The following CCDC144A variants were observed in gnomAD, a reference collection of about 807,000 sequenced individuals.
CCDC144A encodes the protein coiled-coil domain containing 144A, also known as coiled-coil domain-containing protein 144A.
A neutral mutation model predicts 143.8 loss-of-function variants in CCDC144A; 41 were observed. The observed-to-expected ratio is 0.29, with a 90% CI of 0.22 to 0.37. CCDC144A has a LOEUF of 0.37. Among genes scored for constraint, CCDC144A ranks in the 10% least tolerant of loss-of-function variants. The probability of loss-of-function intolerance (pLI) is 1.00; values close to 1 mark genes in which losing one functional copy is unlikely to be tolerated. For synonymous variants in CCDC144A, 242 were observed against 517.9 expected (o/e 0.47, Z 7.23); for missense variants, 637 against 1,488.8 (o/e 0.43, Z 9.41).
upstream of CCDC144A, among the ~76,000 whole-genome samples, chr17:16,685,648 G>T (rs1375334992): frequency 6.6e-6 from 1 of 152,190 alleles, no homozygotes; most frequent in Non-Finnish European, 1.5e-5. Flanking sequence ...CTCCCAAAGT[G>T]CTGGGATTAC....
At chr17:16,746,071 T>G in intron 12 of CCDC144A, 2 of 1,608,588 alleles carry the variant, frequency 1.2e-6, no homozygotes, top group Non-Finnish European at 1.7e-6. Flanking sequence ...TGGGGCTCCT[T>G]CAGCGAGCCT....
the CCDC144A span, among the ~76,000 whole-genome samples, chr17:16,679,648 T>C: frequency 6.6e-6 from 1 of 152,088 alleles, no homozygotes; most frequent in African/African-American, 2.4e-5. Flanking sequence ...CAAAAGTTCA[T>C]TTTTTATGCT....
intron 6 of CCDC144A, among the ~76,000 whole-genome samples, chr17:16,714,448 A>G (rs1912626329): frequency 6.6e-6 from 1 of 152,128 alleles, no homozygotes. Context: ...CATTAATGGC[A>G]ACTCTTGCAG....
intron 5 of CCDC144A, chr17:16,710,059 A>G (rs1336847931): frequency 5.0e-6 from 1 of 198,494 alleles, no homozygotes; most frequent in Non-Finnish European, 1.0e-5. Flanking sequence ...AAATGTATCT[A>G]GCAGGCGTGG....
chr17:16,682,205 GTGT>G, the CCDC144A span, among the ~76,000 whole-genome samples: 16 of 2,636 alleles, frequency 6.1e-3, no homozygotes, highest in African/African-American at 0.029. Context: ...GAAAATGGGT[GTGT>G]GTGTGTGTGT....
intron 12 of CCDC144A, among the ~76,000 whole-genome samples, chr17:16,742,297 T>A (rs1451782971): frequency 1.3e-5 from 2 of 152,208 alleles, no homozygotes; most frequent in African/African-American, 4.8e-5. Flanking sequence ...CCCACATGAG[T>A]GAAAACATAC....
chr17:16,773,279 G>T (rs1268134170), intron 16 of CCDC144A, among the ~76,000 whole-genome samples: 3 of 151,722 alleles, frequency 2.0e-5, no homozygotes, highest in Admixed American at 2.0e-4. Flanking sequence ...ACGAAACCCT[G>T]CCCCTATAAA....
At chr17:16,753,434 T>TTTGTTGTTGTTGTTG (rs1555535613) in intron 12 of CCDC144A, among the ~76,000 whole-genome samples, 12 of 118,606 alleles carry the variant, frequency 1.0e-4, no homozygotes, top group African/African-American at 5.1e-4. Context: ...TGTAGTTTTT[T>TTTGTTGTTGTTGTTG]TTTTTTTTTT....
chr17:16,692,332 T>C (rs2143029060), intron 1 of CCDC144A, among the ~76,000 whole-genome samples: 1 of 151,250 alleles, frequency 6.6e-6, no homozygotes, highest in East Asian at 1.9e-4. Flanking sequence ...TGTTGTTATC[T>C]AGTTTGATGA....
the CCDC144A span, among the ~76,000 whole-genome samples, chr17:16,682,898 T>G: frequency 4.2e-4 from 49 of 115,482 alleles, 1 homozygote; most frequent in African/African-American, 1.4e-3. Context: ...TTTTTTTTTT[T>G]TTTTTTTTTT....
chr17:16,761,312 C>T (rs1346080203), intron 12 of CCDC144A, 113 bp from the exon 13 acceptor site: 301 of 1,436,264 alleles, frequency 2.1e-4, no homozygotes, highest in South Asian at 3.8e-4. Flanking sequence ...CCGGCCTGGG[C>T]GACAGAGCGA....
chr17:16,736,484 A>G (rs1469234737), intron 12 of CCDC144A, among the ~76,000 whole-genome samples: 1 of 150,842 alleles, frequency 6.6e-6, no homozygotes, highest in Non-Finnish European at 1.5e-5. Flanking sequence ...GTTACATTTA[A>G]TCTTACCACT....
At chr17:16,732,892 C>A (rs1281683127) in intron 11 of CCDC144A, among the ~76,000 whole-genome samples, 2 of 151,068 alleles carry the variant, frequency 1.3e-5, no homozygotes, top group Non-Finnish European at 2.9e-5. Flanking sequence ...CAAGTAGTGA[C>A]ATTCACAGTG....
At chr17:16,713,493 A>G (rs1431396293) in intron 6 of CCDC144A, among the ~76,000 whole-genome samples, 2 of 152,248 alleles carry the variant, frequency 1.3e-5, no homozygotes, top group Non-Finnish European at 2.9e-5. Flanking sequence ...TTCGTGTTAT[A>G]GAATTCCATA....
At chr17:16,686,785 C>CAAAG, upstream of CCDC144A, among the ~76,000 whole-genome samples, 1 of 139,010 alleles carries the variant, frequency 7.2e-6, no homozygotes, top group Admixed American at 7.2e-5. Flanking sequence ...CACACACACA[C>CAAAG]AAAGAAAAGA....
chr17:16,764,929 A>G (rs1236959658), intron 15 of CCDC144A: 5 of 133,302 alleles, frequency 3.8e-5, no homozygotes, highest in African/African-American at 1.2e-4. Context: ...TAAGATGGCA[A>G]TGGTATCTAG....
At chr17:16,697,557 G>C (rs1430776271) in intron 2 of CCDC144A, among the ~76,000 whole-genome samples, 1 of 152,240 alleles carries the variant, frequency 6.6e-6, no homozygotes. Flanking sequence ...TCAGTCTGTT[G>C]TGAGGTTTTC....
chr17:16,758,566 A>T (rs1477314393), intron 12 of CCDC144A, among the ~76,000 whole-genome samples: 1 of 152,266 alleles, frequency 6.6e-6, no homozygotes, highest in Non-Finnish European at 1.5e-5. Flanking sequence ...AGGGAATATT[A>T]GACCATAGAA....
At chr17:16,743,677 C>T (rs1243510074) in intron 12 of CCDC144A, among the ~76,000 whole-genome samples, 2 of 151,870 alleles carry the variant, frequency 1.3e-5, no homozygotes, top group African/African-American at 2.4e-5. Flanking sequence ...TTATTTTTAT[C>T]TTATTCTTTC....
Sources: gnomAD v4.1 joint callset for allele counts (sites outside exome capture counted in the v4.1 genomes callset) on GRCh38, gnomAD v4.1.1 for gene constraint, MANE v1.5 for transcripts, NCBI Gene and HGNC (gene_info 2026-07-23, HGNC 2026-07-21) for gene names.